ITGA4: variants seen among roughly 807,000 people sequenced by gnomAD.
ITGA4 encodes integrin subunit alpha 4.
Under a neutral mutation model 133.6 loss-of-function variants are expected in ITGA4, and 63 were observed. The observed-to-expected ratio is 0.47, with a 90% confidence interval of 0.38 to 0.58. ITGA4 has a LOEUF of 0.58. Among genes scored for constraint, ITGA4 ranks in the 20% least tolerant of loss-of-function variants. ITGA4 has a pLI of 0.00. For synonymous variants in ITGA4, 483 were observed against 438.0 expected (o/e 1.10, Z -1.28); for missense variants, 1,076 against 1,252.7 (o/e 0.86, Z 2.13).
chr2:181,531,350 C>A (rs55839254), intron 24 of ITGA4, among the ~76,000 whole-genome samples: 1 of 152,018 alleles, frequency 6.6e-6, no homozygotes, highest in African/African-American at 2.4e-5. Context: ...ACAAAGAATA[C>A]GTAACTTAGC....
At chr2:181,469,164 A>G (rs938492953) in intron 2 of ITGA4, among the ~76,000 whole-genome samples, 8 of 152,250 alleles carry the variant, frequency 5.3e-5, no homozygotes, top group African/African-American at 1.9e-4. Context: ...ATTTTTGACC[A>G]ACTTAGAAAT....
rs190748008 is a variant in ITGA4, at chr2:181,503,761, G to A, written c.1695+4984G>A. On this transcript the variant is annotated intron_variant, in intron 15 of 27. Transcript: ENST00000397033. ...TTTTAGTGTTTTATCTATTGAAATC[G>A]TCTTCTATTAGACATTGCTTTTTCC... Among the ~76,000 whole-genome samples, 42 of 151,822 alleles carry A rather than the reference G, an allele frequency of 2.8e-4. No individual in the cohort carries two copies. The East Asian group carries it at 6.8e-3, about 25-fold the overall frequency.
At position 181,457,780 on chromosome 2, in the gene ITGA4, G is replaced by A. The variant is rs1685162037; in HGVS notation, c.126G>A (p.Leu42=). The change falls in exon 1 of 28, where the codon CTG becomes CTA. Residue 42 remains leucine, a synonymous_variant. Coordinates refer to ENST00000397033, the MANE Select transcript of ITGA4 (RefSeq NM_000885.6). ...ACAACGTGGACACTGAGAGCGCGCT[G>A]CTTTACCAGGGCCCCCACAACACGC... ...RPYNVDTESA[L]LYQGPHNTLF... The A allele has an allele frequency of 6.2e-7, 1 of 1,613,734 alleles. No individual in the cohort carries two copies. The highest frequency in any genetic ancestry group is 8.5e-7 in the Non-Finnish European group (1 of 1,179,970).
chr2:181,463,465 A>G (rs998375133), intron 2 of ITGA4, among the ~76,000 whole-genome samples: 9 of 152,144 alleles, frequency 5.9e-5, no homozygotes, highest in Admixed American at 1.3e-4. Flanking sequence ...GTGTCTGTAC[A>G]AGGACACTGG....
At position 181,495,257 on chromosome 2, in the gene ITGA4, TATAA is replaced by T. The variant is rs1284019623; in HGVS notation, c.1340-110_1340-107del. On this transcript the variant is annotated intron_variant, in intron 12 of 27. Coordinates refer to ENST00000397033, the MANE Select transcript of ITGA4 (RefSeq NM_000885.6). This position sits in a 1 kb window ranked among gnomAD's most constrained non-coding sequence, Gnocchi z 4.3. ...TGTTAGCATATATTCTCTAATTTTC[TATAA>T]ATAGTGTTTTAGGTAGTCAAAGGTG... The T allele has an allele frequency of 9.3e-6, 7 of 748,924 alleles. No individual in the cohort carries two copies. Among genetic ancestry groups the T allele is most frequent in the Non-Finnish European group, 1.6e-5 (7 of 424,386 alleles). 46.4% of individuals were successfully genotyped at this position (748,924 alleles called of 1,614,324 possible). A position where few individuals can be genotyped will look rare whatever the true frequency, so the allele number is the denominator to read the frequency against.
intron 15 of ITGA4, among the ~76,000 whole-genome samples, chr2:181,507,943 C>T (rs913471342): frequency 4.0e-5 from 6 of 151,882 alleles, no homozygotes; most frequent in Non-Finnish European, 4.4e-5. Context: ...CTTACTTAAT[C>T]GAATGACAAA....
At position 181,457,746 on chromosome 2, in the gene ITGA4, G is replaced by T. The variant is rs1559033300; in HGVS notation, c.92G>T (p.Gly31Val). Reference sequence around the variant, plus strand: ...TTGCTGTGCCTGGGGGTCCCGACCGGCCGCCCCTACAACGTGGACACTGAG... The same window carrying T: ...TTGCTGTGCCTGGGGGTCCCGACCGTCCGCCCCTACAACGTGGACACTGAG... ...MLLLCLGVPT[G>V]RPYNVDTESA... Residue 31 changes from glycine to valine, a missense_variant, in exon 1 of 28, where the codon GGC becomes GTC. Coordinates refer to ENST00000397033, the MANE Select transcript of ITGA4 (RefSeq NM_000885.6). 6.2e-7 allele frequency: 1 copy of T among 1,613,182 alleles called. No homozygotes were observed. The highest frequency in any genetic ancestry group is 8.5e-7 in the Non-Finnish European group (1 of 1,179,846).
At chr2:181,533,483 T>C (rs1375592401) in intron 25 of ITGA4, among the ~76,000 whole-genome samples, 2 of 152,168 alleles carry the variant, frequency 1.3e-5, no homozygotes, top group Admixed American at 6.5e-5. Flanking sequence ...TAATTTTGTT[T>C]TGGGGGGTTG....
intron 5 of ITGA4, 84 bp from the exon 6 acceptor site, chr2:181,480,053 G>C (rs1221776742): frequency 2.4e-6 from 2 of 842,174 alleles, no homozygotes; most frequent in Admixed American, 6.3e-5. Flanking sequence ...ATAAAAATAT[G>C]TTCTCTTCAC....
intron 17 of ITGA4, among the ~76,000 whole-genome samples, chr2:181,512,026 G>A (rs1686516699): frequency 6.6e-6 from 1 of 152,038 alleles, no homozygotes; most frequent in Non-Finnish European, 1.5e-5. Flanking sequence ...CATAGAAGGG[G>A]AAACAGAGTA....
At chr2:181,489,567 A>G (rs1170606289) in intron 10 of ITGA4, among the ~76,000 whole-genome samples, 1 of 152,214 alleles carries the variant, frequency 6.6e-6, no homozygotes, top group Non-Finnish European at 1.5e-5. Context: ...GCAGAACCAT[A>G]ACAAGTTCTA....
At position 181,534,330 on chromosome 2, in the gene ITGA4, C is replaced by G. The variant is rs914628289; in HGVS notation, c.2843C>G (p.Pro948Arg). 1.2e-6 allele frequency: 2 copies of G among 1,609,758 alleles called. No homozygotes were observed. The highest frequency in any genetic ancestry group is 2.7e-5 in the African/African-American group (2 of 74,776). ...GCAACAGGTTTTCCAGAGCCAAATCCAAGAGTAATTGAACTAAACAAGGAT... is the reference window on the plus strand; with the variant it reads ...GCAACAGGTTTTCCAGAGCCAAATCGAAGAGTAATTGAACTAAACAAGGAT... ...IRATGFPEPN[P>R]RVIELNKDEN... Residue 948 changes from proline (P) to arginine (R), a missense_variant, in exon 26 of 28, where the codon CCA (proline) becomes CGA (arginine). By Grantham distance (103) the Pro-to-Arg change is moderately radical. This residue lies in a region of ITGA4 where 193 missense variants were observed against 172.3 expected (regional missense o/e 1.12). Transcript: ENST00000397033.
chr2:181,479,287 C>G (rs1553504721), intron 5 of ITGA4: 1 of 152,030 alleles, frequency 6.6e-6, no homozygotes, highest in Non-Finnish European at 1.5e-5. Context: ...ATTTCTTACT[C>G]TCTTTCTAAC....
rs1478314551 is a variant in ITGA4, at chr2:181,538,035, T to C, written c.*2508T>C. The C allele has an allele frequency of 1.4e-6, 1 of 697,230 alleles. No homozygotes were observed. Among genetic ancestry groups the C allele is most frequent in the Non-Finnish European group, 2.7e-6 (1 of 372,748 alleles). 43.2% of individuals were successfully genotyped at this position (697,230 alleles called of 1,614,324 possible). ...TGCCTGATGATCTGAGGTGGAACAG[T>C]TCATCCTGAAACCATTCCCCCATCC... is the stretch of plus-strand genomic sequence containing the variant. On this transcript the variant is annotated 3_prime_UTR_variant, in exon 28 of 28. Transcript: ENST00000397033.
At chr2:181,474,509 G>T (rs1374824724) in intron 2 of ITGA4, among the ~76,000 whole-genome samples, 3 of 152,104 alleles carry the variant, frequency 2.0e-5, no homozygotes, top group Non-Finnish European at 4.4e-5. Flanking sequence ...CCAATAAATT[G>T]TACCTTAATT....
Position 181,458,172 on chromosome 2 carries a change from G to T in ITGA4, c.198-24G>T, listed in dbSNP as rs200524732. 1.6e-4 allele frequency: 257 copies of T among 1,613,668 alleles called. 1 individual carries two copies. The highest frequency in any genetic ancestry group is 2.1e-4 in the Non-Finnish European group (248 of 1,179,966). On this transcript the variant is annotated intron_variant, in intron 1 of 27. Coordinates refer to ENST00000397033, the MANE Select transcript of ITGA4 (RefSeq NM_000885.6). ...TGGGCAGCACAGCTCACGTCTGAGCGCACGTGCACGTGTCTCGCTTTAGGC... is the reference window on the plus strand; with the variant it reads ...TGGGCAGCACAGCTCACGTCTGAGCTCACGTGCACGTGTCTCGCTTTAGGC...
At chr2:181,473,984 A>C (rs370510956) in intron 2 of ITGA4, among the ~76,000 whole-genome samples, 20 of 152,212 alleles carry the variant, frequency 1.3e-4, no homozygotes, top group African/African-American at 3.9e-4. Flanking sequence ...CCGAAGTTCC[A>C]CATCCTTATC....
At chr2:181,466,724 T>C (rs1685425084) in intron 2 of ITGA4, among the ~76,000 whole-genome samples, 1 of 152,172 alleles carries the variant, frequency 6.6e-6, no homozygotes, top group Admixed American at 6.6e-5. Context: ...TTAGTATTAA[T>C]GGATTTAGTA....
Position 181,532,829 on chromosome 2 carries a change from A to C in ITGA4, c.2784+1053A>C, listed in dbSNP as rs182944389. 2.2e-4 allele frequency among the ~76,000 whole-genome samples: 34 copies of C among 152,306 alleles called. 1 individual carries two copies. The East Asian group carries it at 5.4e-3, about 24-fold the overall frequency. On this transcript the variant is annotated intron_variant, in intron 25 of 27. Transcript: ENST00000397033. ...ATCCTTGTCTTGTGACGGTTTTCAA[A>C]GGGAATGCTTCCAGTTTTTGCCCAT...
Sources: allele counts gnomAD v4.1 joint callset (sites outside exome capture counted in the v4.1 genomes callset), GRCh38; gene constraint gnomAD v4.1.1; regional missense constraint gnomAD v4.1.1; non-coding constraint Gnocchi (gnomAD v3.1); transcripts MANE v1.5; gene names NCBI Gene and HGNC (gene_info 2026-07-23, HGNC 2026-07-21).